The following TRIM9 variants were observed in gnomAD, a reference collection of about 807,000 sequenced individuals.
TRIM9 encodes E3 ubiquitin-protein ligase TRIM9.
Under a neutral mutation model 78.3 loss-of-function variants are expected in TRIM9, and 26 were observed. That is an observed-to-expected ratio of 0.33 (90% CI 0.24 to 0.46). The LOEUF is 0.46. TRIM9 is among the 20% of genes least tolerant of loss of function. The pLI is 1.00. For synonymous variants in TRIM9, 398 were observed against 416.5 expected, an observed-to-expected ratio of 0.96 and a Z score of 0.54; for missense variants, 787 against 1,036.4, an observed-to-expected ratio of 0.76 and a Z score of 3.30.
At chr14:51,020,551 G>T (rs1026952649) in intron 3 of TRIM9, among the ~76,000 whole-genome samples, 1 of 152,208 alleles carries the variant, frequency 6.6e-6, no homozygotes, top group Non-Finnish European at 1.5e-5. Flanking sequence ...AAATGCATCC[G>T]CATTCCCTGC....
intron 1 of TRIM9, among the ~76,000 whole-genome samples, chr14:51,046,148 G>A (rs1231751162): frequency 6.6e-6 from 1 of 152,044 alleles, no homozygotes; most frequent in Non-Finnish European, 1.5e-5. Flanking sequence ...GATTAGGGAT[G>A]GGGACAGGGG....
At chr14:51,028,530 C>T (rs1300538127) in intron 1 of TRIM9, among the ~76,000 whole-genome samples, 2 of 152,168 alleles carry the variant, frequency 1.3e-5, no homozygotes, top group African/African-American at 4.8e-5. Context: ...TTCAGGACCA[C>T]AGAGCAGTGC....
chr14:51,072,855 G>A (rs191467521), intron 1 of TRIM9, among the ~76,000 whole-genome samples: 212 of 152,252 alleles, frequency 1.4e-3, no homozygotes, highest in Non-Finnish European at 2.6e-3. Flanking sequence ...GCAATGTACC[G>A]TGTAGGAGAT....
chr14:51,058,637 C>G (rs924954054), intron 1 of TRIM9, among the ~76,000 whole-genome samples: 1 of 145,078 alleles, frequency 6.9e-6, no homozygotes, highest in Non-Finnish European at 1.6e-5. Flanking sequence ...CAGAGGATGG[C>G]CCCAAGACCA....
rs2055967479 is a variant in TRIM9, at chr14:51,007,497, G to C, written c.1306+1583C>G. Reference sequence around the variant, plus strand: ...GGCACCAGCTTTACAGCACAAACTAGAAGTTGTAGGAGTTGGTTCTCTAGC... The same window carrying C: ...GGCACCAGCTTTACAGCACAAACTACAAGTTGTAGGAGTTGGTTCTCTAGC... On this transcript the variant is annotated intron_variant, in intron 5 of 12. Transcript: ENST00000684578. 2.0e-5 allele frequency among the ~76,000 whole-genome samples: 3 copies of C among 152,320 alleles called. No individual in the cohort carries two copies. The South Asian group carries it at 6.2e-4, about 32-fold the overall frequency.
In TRIM9 at chr14:50,997,791, C is replaced by T. The variant is rs569239710; in HGVS notation, c.1603+259G>A. 1.6e-4 allele frequency: 216 copies of T among 1,365,928 alleles called. No homozygotes were observed. The African/African-American group carries it at 3.0e-3, about 19-fold the overall frequency. 84.6% of individuals were successfully genotyped at this position (1,365,928 alleles called of 1,614,324 possible). On this transcript the variant is annotated intron_variant, in intron 7 of 12. Coordinates refer to ENST00000684578, the MANE Select transcript of TRIM9 (RefSeq NM_001387360.1). ...CTTCATTTTTCAGCTTCTTCAACTG[C>T]AGCTTATTTAGATTGTTATCAAAGG...
At chr14:51,023,792 G>A (rs181356892) in intron 2 of TRIM9, among the ~76,000 whole-genome samples, 139 of 152,144 alleles carry the variant, frequency 9.1e-4, no homozygotes, top group African/African-American at 3.1e-3. Context: ...TACAGTAAAC[G>A]AAAGCTAAAT....
At position 51,029,396 on chromosome 14, in the gene TRIM9, G is replaced by A. The variant is rs545476905; in HGVS notation, c.823-4036C>T. 1.2e-4 allele frequency among the ~76,000 whole-genome samples: 18 copies of A among 152,046 alleles called. No individual in the cohort carries two copies. The South Asian group carries it at 1.5e-3, about 12-fold the overall frequency. On this transcript the variant is annotated intron_variant, in intron 1 of 12. Coordinates refer to ENST00000684578, the MANE Select transcript of TRIM9 (RefSeq NM_001387360.1). ...TCACAGTGCATGCCATTCAGGCACC[G>A]CAACACCACTGGGCCCAGGAGCCAA...
chr14:51,005,999 C>T (rs772716456), intron 5 of TRIM9, among the ~76,000 whole-genome samples: 7 of 151,888 alleles, frequency 4.6e-5, no homozygotes, highest in Non-Finnish European at 8.8e-5. Flanking sequence ...TGCAAACCTA[C>T]TTTCTTTTTT....
intron 1 of TRIM9, among the ~76,000 whole-genome samples, chr14:51,089,651 T>C (rs1596337622): frequency 6.6e-6 from 1 of 152,254 alleles, no homozygotes; most frequent in Admixed American, 6.5e-5. Flanking sequence ...CAGAATACTT[T>C]TGTTTAATAT....
intron 1 of TRIM9, among the ~76,000 whole-genome samples, chr14:51,053,557 A>AT (rs1195234122): frequency 1.1e-4 from 7 of 62,616 alleles, no homozygotes; most frequent in East Asian, 4.9e-4. Flanking sequence ...TTATTTATTT[A>AT]TTTTTTTTTA....
At chr14:51,027,959 G>C (rs771523669) in intron 1 of TRIM9, among the ~76,000 whole-genome samples, 21 of 152,192 alleles carry the variant, frequency 1.4e-4, no homozygotes, top group South Asian at 2.1e-4. Context: ...AATTGATTTG[G>C]TTACACAGAA....
chr14:51,050,856 C>T (rs944780495), intron 1 of TRIM9, among the ~76,000 whole-genome samples: 2 of 152,134 alleles, frequency 1.3e-5, no homozygotes, highest in African/African-American at 4.8e-5. Context: ...TTGCCAGCCA[C>T]GTGAGTGAGC....
chr14:51,028,262 C>T (rs916615171), intron 1 of TRIM9, among the ~76,000 whole-genome samples: 27 of 152,052 alleles, frequency 1.8e-4, no homozygotes, highest in African/African-American at 6.3e-4. Flanking sequence ...TAAAAAATTG[C>T]ATTATAAGAT....
intron 1 of TRIM9, among the ~76,000 whole-genome samples, chr14:51,042,640 A>C (rs1289206205): frequency 6.6e-6 from 1 of 152,220 alleles, no homozygotes; most frequent in Non-Finnish European, 1.5e-5. Flanking sequence ...TTATCTTTTT[A>C]GGATGAAGTC....
chr14:51,057,866 T>C (rs1294973452), intron 1 of TRIM9, among the ~76,000 whole-genome samples: 4 of 152,188 alleles, frequency 2.6e-5, no homozygotes, highest in Non-Finnish European at 4.4e-5. Context: ...AAAAGATGTC[T>C]ACAGAGCCAA....
chr14:51,018,029 A>C (rs954782243), intron 3 of TRIM9, among the ~76,000 whole-genome samples: 2 of 152,220 alleles, frequency 1.3e-5, no homozygotes, highest in African/African-American at 4.8e-5. Context: ...AATTGTGGTT[A>C]AATAATTAGA....
At chr14:51,046,070 A>C (rs1465855144) in intron 1 of TRIM9, among the ~76,000 whole-genome samples, 1 of 151,714 alleles carries the variant, frequency 6.6e-6, no homozygotes, top group African/African-American at 2.4e-5. Context: ...AATACGATAG[A>C]GAGGTAAAAA....
In TRIM9 at chr14:50,981,815, T is replaced by C; in HGVS notation, c.2147A>G (p.Asn716Ser). 6.2e-7 allele frequency: 1 copy of C among 1,614,034 alleles called. No individual in the cohort carries two copies. Among genetic ancestry groups the C allele is most frequent in the Non-Finnish European group, 8.5e-7 (1 of 1,179,984 alleles). The change falls in exon 11 of 13, where the codon AAC (asparagine) becomes AGC (serine). Residue 716 changes from asparagine (N) to serine (S), a missense_variant. Asn to Ser is a conservative substitution (Grantham distance 46). Coordinates refer to ENST00000684578, the MANE Select transcript of TRIM9 (RefSeq NM_001387360.1). The part of the protein sequence containing the change: ...DNNRSWFMHN[N>S]SHTNRTEGGI... The stretch of plus-strand genomic sequence containing the variant: ...TGCAGGGTACCTGTTGGTGTGCGAG[T>C]TGTTGTGCATGAACCAGCTCCGGTT...
Sources: gnomAD v4.1 joint callset for allele counts (sites outside exome capture counted in the v4.1 genomes callset) on GRCh38, gnomAD v4.1.1 for gene constraint, MANE v1.5 for transcripts, NCBI Gene and HGNC (gene_info 2026-07-23, HGNC 2026-07-21) for gene names.